The following RICTOR variants were observed in gnomAD, a reference collection of about 807,000 sequenced individuals.
The protein encoded by RICTOR is rapamycin-insensitive companion of mTOR.
Under a neutral mutation model 214.9 loss-of-function variants are expected in RICTOR, and 49 were observed. The ratio of observed to expected loss-of-function variants is 0.23; its 90% CI spans 0.18 to 0.29. The LOEUF is 0.29. Among genes scored for constraint, RICTOR ranks in the 10% least tolerant of loss-of-function variants. The probability of loss-of-function intolerance (pLI) is 1.00; values close to 1 mark genes in which losing one functional copy is unlikely to be tolerated. For synonymous variants in RICTOR, 717 were observed against 711.3 expected (o/e 1.01, Z -0.13); for missense variants, 1,625 against 2,047.0 (o/e 0.79, Z 3.98).
At position 39,036,120 on chromosome 5, in the gene RICTOR, C is replaced by A. The variant is rs777154349; in HGVS notation, c.98-14984G>T. 6.4e-4 allele frequency among the ~76,000 whole-genome samples: 98 copies of A among 152,286 alleles called. 1 individual carries two copies. The highest frequency in any genetic ancestry group is 2.1e-3 in the African/African-American group (86 of 41,558). ...CCATCAGACTAACAGCGGATCTCTC[C>A]GCAGAAACTCAACAAGCCAGAAGAG... is the stretch of plus-strand genomic sequence containing the variant. On this transcript the variant is annotated intron_variant, in intron 2 of 37. Transcript: ENST00000357387.
At position 38,966,541 on chromosome 5, in the gene RICTOR, T is replaced by A. The variant is rs550940180; in HGVS notation, c.1299+100A>T. 1.5e-5 allele frequency: 10 copies of A among 684,494 alleles called. No homozygotes were observed. In the East Asian group the frequency reaches 2.8e-4, roughly 19 times the overall value. The allele number at this position is 684,494 out of a possible 1,614,324, so 42.4% of individuals were successfully genotyped here. A position where few individuals can be genotyped will look rare whatever the true frequency, so the allele number is the denominator to read the frequency against. ...TAAACATTTATAAGAAATGCAAATT[T>A]ATTTTTGAGATAATACAAAGCAACA... On this transcript the variant is annotated intron_variant, in intron 15 of 37. Coordinates refer to ENST00000357387, the MANE Select transcript of RICTOR (RefSeq NM_152756.5).
At chr5:39,030,586 G>A (rs1756203159) in intron 2 of RICTOR, among the ~76,000 whole-genome samples, 1 of 152,034 alleles carries the variant, frequency 6.6e-6, no homozygotes, top group Non-Finnish European at 1.5e-5. Flanking sequence ...AAACAGGACA[G>A]TAAAAAAACA....
chr5:38,983,605 T>C (rs1437076569), intron 7 of RICTOR, among the ~76,000 whole-genome samples: 3 of 152,220 alleles, frequency 2.0e-5, no homozygotes, highest in Non-Finnish European at 4.4e-5. Flanking sequence ...CTTCTAATTA[T>C]CTATGTATCT....
intron 2 of RICTOR, among the ~76,000 whole-genome samples, chr5:39,040,174 G>C (rs1196575377): frequency 2.0e-5 from 3 of 151,970 alleles, no homozygotes; most frequent in Non-Finnish European, 4.4e-5. Context: ...GTGGGGACAT[G>C]GATGAAGCTG....
intron 2 of RICTOR, among the ~76,000 whole-genome samples, chr5:39,052,119 A>C (rs1757899928): frequency 6.6e-6 from 1 of 151,910 alleles, no homozygotes; most frequent in Admixed American, 6.6e-5. Flanking sequence ...CACACCTGTA[A>C]TCCCAGCACT....
chr5:38,977,594 T>G (rs1271761109), intron 9 of RICTOR, among the ~76,000 whole-genome samples: 1 of 35,704 alleles, frequency 2.8e-5, no homozygotes, highest in East Asian at 5.1e-4. Context: ...TGAAACCACT[T>G]TTTTTTTTTT....
intron 2 of RICTOR, chr5:39,022,441 C>CGGTG (rs1401722895): frequency 6.4e-6 from 1 of 156,866 alleles, no homozygotes; most frequent in Non-Finnish European, 1.4e-5. Context: ...GTGCTGCCAG[C>CGGTG]GGTGTTTCTG....
chr5:38,943,009 C>T, intron 36 of RICTOR, 38 bp from the exon 37 acceptor site: 2 of 1,473,780 alleles, frequency 1.4e-6, no homozygotes, highest in Non-Finnish European at 1.9e-6. Context: ...AAACTGTAAT[C>T]ATGATGTATC....
At chr5:39,006,926 A>G (rs539977670) in intron 3 of RICTOR, among the ~76,000 whole-genome samples, 14 of 152,134 alleles carry the variant, frequency 9.2e-5, no homozygotes, top group Non-Finnish European at 1.6e-4. Context: ...ACTTTCAAAG[A>G]GTATGTTTTT....
chr5:39,034,353 AT>A (rs1224779154), intron 2 of RICTOR, among the ~76,000 whole-genome samples: 3 of 152,366 alleles, frequency 2.0e-5, no homozygotes, highest in Admixed American at 6.5e-5. Context: ...AGATGGCCGA[AT>A]AGGAATGGCT....
intron 7 of RICTOR, among the ~76,000 whole-genome samples, chr5:38,989,924 T>C (rs1407506671): frequency 1.3e-5 from 2 of 152,262 alleles, no homozygotes; most frequent in Non-Finnish European, 1.5e-5. Flanking sequence ...AGTTCAACCA[T>C]TGTGGAAGAA....
chr5:38,980,968 A>G (rs1174848968), intron 8 of RICTOR: 3 of 152,226 alleles, frequency 2.0e-5, no homozygotes, highest in Non-Finnish European at 4.4e-5. Context: ...ATATTATAAA[A>G]TATCAACAGT....
intron 31 of RICTOR, 83 bp downstream of exon 31, chr5:38,949,629 G>T: frequency 7.9e-7 from 1 of 1,260,176 alleles, no homozygotes; most frequent in Non-Finnish European, 1.1e-6. Flanking sequence ...GGCTCACATA[G>T]TGTAAAACCT....
chr5:39,011,790 G>A (rs1754541266), intron 3 of RICTOR, among the ~76,000 whole-genome samples: 1 of 152,162 alleles, frequency 6.6e-6, no homozygotes, highest in African/African-American at 2.4e-5. Flanking sequence ...TGGAATGGGT[G>A]TATTTACCCA....
chr5:39,051,736 G>A lies in RICTOR; in HGVS notation c.97+22375C>T, dbSNP rs184454738. Among the ~76,000 whole-genome samples the A allele has an allele frequency of 7.5e-4, 112 of 149,352 alleles. 1 individual carries two copies. The highest frequency in any genetic ancestry group is 1.3e-3 in the Non-Finnish European group (88 of 67,410). On this transcript the variant is annotated intron_variant, in intron 2 of 37. Transcript: ENST00000357387. ...CCATTGCACTCCAGCCTGGGCAACGGAGCCAGACTCTGTCTCAAAAAAAAA... is the reference window on the plus strand; with the variant it reads ...CCATTGCACTCCAGCCTGGGCAACGAAGCCAGACTCTGTCTCAAAAAAAAA...
intron 2 of RICTOR, among the ~76,000 whole-genome samples, chr5:39,032,952 T>A (rs1046388950): frequency 1.5e-4 from 23 of 152,334 alleles, no homozygotes; most frequent in African/African-American, 5.3e-4. Context: ...TTTCCTAACC[T>A]ACAAGCCCCC....
rs1759032002 is a variant in RICTOR, at chr5:39,068,161, T to G, written c.97+5950A>C. ...GCATGTGACCTCAACCTTAAAGAATTAGGACTTCTATAGATAAACTGTGCT... is the reference window on the plus strand; with the variant it reads ...GCATGTGACCTCAACCTTAAAGAATGAGGACTTCTATAGATAAACTGTGCT... On this transcript the variant is annotated intron_variant, in intron 2 of 37. Coordinates refer to ENST00000357387, the MANE Select transcript of RICTOR (RefSeq NM_152756.5). Among the ~76,000 whole-genome samples, 2 of 152,168 alleles carry G rather than the reference T, an allele frequency of 1.3e-5. 1 individual carries two copies. Among genetic ancestry groups the G allele is most frequent in the South Asian group, 4.1e-4 (2 of 4,832 alleles).
Position 38,945,626 on chromosome 5 carries a change from C to T in RICTOR, c.4498G>A (p.Ala1500Thr), listed in dbSNP as rs1447696452. The T allele has an allele frequency of 1.2e-6, 2 of 1,613,614 alleles. No individual in the cohort carries two copies. The highest frequency in any genetic ancestry group is 1.7e-6 in the Non-Finnish European group (2 of 1,179,536). The change falls in exon 34 of 38, where the codon GCC (alanine) becomes ACC (threonine). Residue 1500 changes from alanine (A) to threonine (T), a missense_variant. By Grantham distance (58) the Ala-to-Thr change is moderately conservative. This residue lies in a region of RICTOR where 1,214 missense variants were observed against 1,470.5 expected (regional missense o/e 0.83). Transcript: ENST00000357387. ...TEIMNSIHSDASLFLESTEDT... is the reference protein window; with the variant it reads ...TEIMNSIHSDTSLFLESTEDT... The stretch of plus-strand genomic sequence containing the variant: ...TCTGTACTTTCTAAAAACAGAGAGG[C>T]ATCTGAATGGATTGAATTCATTATT...
chr5:39,026,563 AT>A (rs1486863684), intron 2 of RICTOR, among the ~76,000 whole-genome samples: 4 of 152,010 alleles, frequency 2.6e-5, no homozygotes, highest in Non-Finnish European at 5.9e-5. Context: ...ATATCCAGTG[AT>A]TTAATATATT....
Sources: gnomAD v4.1 joint callset for allele counts (sites outside exome capture counted in the v4.1 genomes callset) on GRCh38, gnomAD v4.1.1 for gene constraint, gnomAD v4.1.1 regional missense constraint, MANE v1.5 for transcripts, NCBI Gene and HGNC (gene_info 2026-07-23, HGNC 2026-07-21) for gene names.